The following UPP1 variants were observed in gnomAD, a reference collection of about 807,000 sequenced individuals.
UPP1 encodes the protein UPase 1.
In UPP1, 25 loss-of-function variants were observed where a neutral mutation model predicts 29.6. That is an observed-to-expected ratio of 0.85 (90% CI 0.62 to 1.18). The LOEUF is 1.18. Among genes scored for constraint, UPP1 ranks in the 50% most tolerant of loss-of-function variants. The probability of loss-of-function intolerance (pLI) is 0.00; values close to 1 mark genes in which losing one functional copy is unlikely to be tolerated. For missense variants in UPP1, 368 were observed against 410.4 expected (o/e 0.90, Z 0.89); for synonymous variants, 165 against 159.8 (o/e 1.03, Z -0.25).
At chr7:48,098,223 C>T (rs1287415692) in intron 3 of UPP1, among the ~76,000 whole-genome samples, 2 of 152,128 alleles carry the variant, frequency 1.3e-5, no homozygotes, top group Admixed American at 6.5e-5. Flanking sequence ...GGTGTGAGCT[C>T]ACCTGGGCCC....
At chr7:48,089,875 C>A (rs990076659) in intron 1 of UPP1, among the ~76,000 whole-genome samples, 3 of 152,112 alleles carry the variant, frequency 2.0e-5, no homozygotes, top group Admixed American at 6.5e-5. Flanking sequence ...TGCTGGGAGC[C>A]CCAGATAAGA....
intron 2 of UPP1, among the ~76,000 whole-genome samples, chr7:48,091,251 G>A (rs1422301263): frequency 3.3e-5 from 5 of 150,272 alleles, no homozygotes; most frequent in South Asian, 2.1e-4. Flanking sequence ...TGAGTTTAAC[G>A]GGTTAAAACT....
chr7:48,094,980 G>A (rs1792049381), intron 3 of UPP1, among the ~76,000 whole-genome samples, 153 bp downstream of exon 3: 1 of 152,202 alleles, frequency 6.6e-6, no homozygotes, highest in South Asian at 2.1e-4. Context: ...AATGACTCAG[G>A]AGGTTCGTAC....
chr7:48,094,596 C>T (rs966322725), intron 2 of UPP1, among the ~76,000 whole-genome samples, 167 bp from the exon 3 acceptor site: 1 of 152,222 alleles, frequency 6.6e-6, no homozygotes, highest in Non-Finnish European at 1.5e-5. Flanking sequence ...CACACATACA[C>T]ACTCTCCTCT....
At position 48,090,706 on chromosome 7, in the gene UPP1, C is replaced by T. The variant is rs916716173; in HGVS notation, c.-22+342C>T. Among the ~76,000 whole-genome samples, 3 of 152,284 alleles carry T rather than the reference C, an allele frequency of 2.0e-5. No homozygotes were observed. In the East Asian group the frequency reaches 5.8e-4, roughly 29 times the overall value. On this transcript the variant is annotated intron_variant, in intron 2 of 8. Transcript: ENST00000395564. Reference sequence around the variant, plus strand: ...TTCCCAGGGCAGGCCTTTGTCTCTCCCGCCTTTCAGTTTGTTTGCCCATCT... The same window carrying T: ...TTCCCAGGGCAGGCCTTTGTCTCTCTCGCCTTTCAGTTTGTTTGCCCATCT...
At chr7:48,103,947 C>A in intron 6 of UPP1, 1 of 1,251,772 alleles carries the variant, frequency 8.0e-7, no homozygotes, top group South Asian at 1.3e-5. Context: ...TGGCCGGGCG[C>A]GGTGGCTCAC....
intron 5 of UPP1, among the ~76,000 whole-genome samples, chr7:48,102,724 G>T (rs1792499564): frequency 6.6e-6 from 1 of 152,128 alleles, no homozygotes; most frequent in African/African-American, 2.4e-5. Flanking sequence ...GAGTTCATCC[G>T]GGGAGAGGCA....
At chr7:48,100,662 A>G (rs1792370868) in intron 4 of UPP1, among the ~76,000 whole-genome samples, 1 of 152,238 alleles carries the variant, frequency 6.6e-6, no homozygotes, top group Admixed American at 6.5e-5. Flanking sequence ...AAATCAAAAT[A>G]TACCAGGACG....
At chr7:48,104,740 G>A (rs1248112579) in intron 6 of UPP1, 6 of 152,148 alleles carry the variant, frequency 3.9e-5, no homozygotes, top group African/African-American at 1.4e-4. Context: ...ACACACCAAC[G>A]GCCATGAGCT....
At chr7:48,093,492 G>C (rs1791957512) in intron 2 of UPP1, among the ~76,000 whole-genome samples, 1 of 152,190 alleles carries the variant, frequency 6.6e-6, no homozygotes, top group South Asian at 2.1e-4. Flanking sequence ...TGCCCACTCT[G>C]CAAGGCTTTC....
intron 2 of UPP1, among the ~76,000 whole-genome samples, chr7:48,093,643 G>A (rs1160378166): frequency 6.6e-6 from 1 of 152,196 alleles, no homozygotes; most frequent in Non-Finnish European, 1.5e-5. Flanking sequence ...TGGTCTTGGG[G>A]GTTTCTGACT....
At chr7:48,094,147 G>A (rs7798472) in intron 2 of UPP1, among the ~76,000 whole-genome samples, 1,943 of 152,242 alleles carry the variant, frequency 0.013, 43 homozygotes, top group African/African-American at 0.045. Flanking sequence ...GTGACAGAGC[G>A]AGACTGTCTC....
rs553450180 is a variant in UPP1, at chr7:48,098,034, C to G, written c.45-1636C>G. ...GGTGTGGCTCTGTGCTTCAGGCAGG[C>G]TGCTGTGCCTTCCTGAGCAGGGTTT... On this transcript the variant is annotated intron_variant, in intron 3 of 8. Transcript: ENST00000395564. 5.9e-5 allele frequency among the ~76,000 whole-genome samples: 9 copies of G among 152,272 alleles called. 1 individual carries two copies. The highest frequency in any genetic ancestry group is 2.2e-4 in the African/African-American group (9 of 41,548).
At chr7:48,108,170 T>C in intron 8 of UPP1, 48 bp from the exon 9 acceptor site, 1 of 1,584,578 alleles carries the variant, frequency 6.3e-7, no homozygotes, top group Non-Finnish European at 8.6e-7. Context: ...CCCTGTGAAA[T>C]GTTAGACCCC....
intron 6 of UPP1, 99 bp from the exon 7 acceptor site, chr7:48,106,774 C>T (rs1792769298): frequency 9.1e-7 from 1 of 1,104,224 alleles, no homozygotes; most frequent in East Asian, 2.4e-5. Flanking sequence ...GGATCTGCTT[C>T]TTTCTTCCAT....
chr7:48,091,208 A>G (rs1483886042), intron 2 of UPP1, among the ~76,000 whole-genome samples: 1 of 152,148 alleles, frequency 6.6e-6, no homozygotes, highest in African/African-American at 2.4e-5. Context: ...TTACAAGCTA[A>G]GTTATTTATG....
At chr7:48,105,825 T>G (rs762988696) in intron 6 of UPP1, 2 of 152,254 alleles carry the variant, frequency 1.3e-5, no homozygotes, top group Admixed American at 6.5e-5. Flanking sequence ...CCAAAGGCCC[T>G]GCTGCCTGAA....
At chr7:48,104,420 T>C (rs951024017) in intron 6 of UPP1, among the ~76,000 whole-genome samples, 3 of 152,102 alleles carry the variant, frequency 2.0e-5, no homozygotes, top group African/African-American at 7.2e-5. Context: ...GTTCTAGTGA[T>C]TCCTGCTCCC....
intron 6 of UPP1, chr7:48,104,755 C>T (rs926767052): frequency 2.0e-5 from 3 of 152,254 alleles, no homozygotes; most frequent in Admixed American, 6.5e-5. Context: ...TGAGCTGTCT[C>T]GGTCCTGCAA....
Sources: gnomAD v4.1 joint callset for allele counts (sites outside exome capture counted in the v4.1 genomes callset) on GRCh38, gnomAD v4.1.1 for gene constraint, MANE v1.5 for transcripts, NCBI Gene and HGNC (gene_info 2026-07-23, HGNC 2026-07-21) for gene names.